Variants in FBXO31 observed in about 807,000 individuals in gnomAD.
The protein encoded by FBXO31 is F-box protein 31.
In FBXO31, 24 loss-of-function variants were observed where a neutral mutation model predicts 54.4. The observed-to-expected ratio is 0.44, with a 90% CI of 0.32 to 0.62. The LOEUF is 0.62. Among genes scored for constraint, FBXO31 ranks in the 20% least tolerant of loss-of-function variants. The probability of loss-of-function intolerance (pLI) is 0.05; values close to 1 mark genes in which losing one functional copy is unlikely to be tolerated. For missense variants in FBXO31, 665 were observed against 787.1 expected, an observed-to-expected ratio of 0.84 and a Z score of 1.86; for synonymous variants, 388 against 335.6, an observed-to-expected ratio of 1.16 and a Z score of -1.71.
upstream of FBXO31, among the ~76,000 whole-genome samples, chr16:87,384,785 AG>A (rs1907267615): frequency 6.6e-6 from 1 of 152,230 alleles, no homozygotes; most frequent in Non-Finnish European, 1.5e-5. Flanking sequence ...GCTTGATCCC[AG>A]GAGGCCGAGG....
chr16:87,362,727 A>G (rs144981112), intron 1 of FBXO31: 6 of 152,238 alleles, frequency 3.9e-5, no homozygotes, highest in African/African-American at 1.4e-4. Flanking sequence ...TGCTGGGCCA[A>G]TTTTTGTATT....
chr16:87,332,037 G>C (rs1205958759), intron 8 of FBXO31, among the ~76,000 whole-genome samples: 3 of 152,238 alleles, frequency 2.0e-5, no homozygotes, highest in Non-Finnish European at 4.4e-5. Flanking sequence ...ACATCAGACA[G>C]GAAGACACTT....
rs1030245745 is a variant in FBXO31, at chr16:87,327,887, G to C, written c.*3401C>G. The C allele has an allele frequency of 6.6e-6, 1 of 152,128 alleles. No individual in the cohort carries two copies. Among genetic ancestry groups the C allele is most frequent in the South Asian group, 2.1e-4 (1 of 4,820 alleles). The allele number at this position is 152,128 out of a possible 1,614,324, so 9.4% of individuals were successfully genotyped here. On this transcript the variant is annotated 3_prime_UTR_variant, in exon 9 of 9. Coordinates refer to ENST00000311635, the MANE Select transcript of FBXO31 (RefSeq NM_024735.5). ...TAAGTGTTCTTAAAAGTTACACCACGAAGGCAGCAACCAGAATAGAAACAT... is the reference window on the plus strand; with the variant it reads ...TAAGTGTTCTTAAAAGTTACACCACCAAGGCAGCAACCAGAATAGAAACAT...
intron 3 of FBXO31, among the ~76,000 whole-genome samples, chr16:87,344,085 T>C (rs1905280820): frequency 6.6e-6 from 1 of 152,198 alleles, no homozygotes; most frequent in African/African-American, 2.4e-5. Flanking sequence ...CGTCCTGAGC[T>C]GAACAAATTG....
chr16:87,360,932 CT>C (rs1013060234), intron 1 of FBXO31, among the ~76,000 whole-genome samples: 1 of 152,204 alleles, frequency 6.6e-6, no homozygotes, highest in Admixed American at 6.5e-5. Flanking sequence ...CCCGCAACCC[CT>C]GTCCTCACAC....
rs1346909759 is a variant in FBXO31, at chr16:87,327,247, C to A, written c.*4041G>T. ...GGCCAAAACCCACACAGCCCTGACC[C>A]CCTCGTGCTCTGGCTGGTCTCCCGG... On this transcript the variant is annotated 3_prime_UTR_variant, in exon 9 of 9. Coordinates refer to ENST00000311635, the MANE Select transcript of FBXO31 (RefSeq NM_024735.5). 1 of 152,746 alleles carries A rather than the reference C, an allele frequency of 6.5e-6. No homozygotes were observed. Among genetic ancestry groups the A allele is most frequent in the Non-Finnish European group, 1.5e-5 (1 of 68,448 alleles). The allele number at this position is 152,746 out of a possible 1,614,324, so 9.5% of individuals were successfully genotyped here. A position where few individuals can be genotyped will look rare whatever the true frequency, so the allele number is the denominator to read the frequency against.
intron 8 of FBXO31, 67 bp downstream of exon 8, chr16:87,333,819 G>C (rs1190702363): frequency 2.0e-6 from 3 of 1,514,404 alleles, no homozygotes. Context: ...GCTAGGTGTG[G>C]GGCTGGGGCC....
rs555853055 is a variant in FBXO31, at chr16:87,338,094, G to A, written c.733-1830C>T. Among the ~76,000 whole-genome samples, 1 of 152,132 alleles carries A rather than the reference G, an allele frequency of 6.6e-6. No individual in the cohort carries two copies. Among genetic ancestry groups the A allele is most frequent in the African/African-American group, 2.4e-5 (1 of 41,432 alleles). ...TTCAACTTGACACCATCAGGAAGATGAGCATGTGTAGCCATGACCTCGCTT... is the reference window on the plus strand; with the variant it reads ...TTCAACTTGACACCATCAGGAAGATAAGCATGTGTAGCCATGACCTCGCTT... On this transcript the variant is annotated intron_variant, in intron 5 of 8. Transcript: ENST00000311635. This position sits in a 1 kb window ranked among gnomAD's most constrained non-coding sequence, Gnocchi z 4.3.
chr16:87,353,064 A>G (rs1479423381), intron 2 of FBXO31, among the ~76,000 whole-genome samples: 1 of 152,148 alleles, frequency 6.6e-6, no homozygotes, highest in African/African-American at 2.4e-5. Context: ...AATTGGATTA[A>G]CATGAGCTCT....
intron 2 of FBXO31, among the ~76,000 whole-genome samples, chr16:87,355,663 C>T (rs1905859803): frequency 6.6e-6 from 1 of 152,176 alleles, no homozygotes; most frequent in South Asian, 2.1e-4. Flanking sequence ...AATCAAAACC[C>T]ACATATGATA....
At chr16:87,355,463 CT>C (rs991678179) in intron 2 of FBXO31, among the ~76,000 whole-genome samples, 1 of 152,188 alleles carries the variant, frequency 6.6e-6, no homozygotes, top group African/African-American at 2.4e-5. Flanking sequence ...AATTGGCTTT[CT>C]TTTTTCACAC....
chr16:87,383,631 G>A lies in FBXO31; in HGVS notation c.114C>T (p.Asp38=). Residue 38 remains aspartate (D), a synonymous_variant, in exon 1 of 9, where the codon GAC becomes GAT. Coordinates refer to ENST00000311635, the MANE Select transcript of FBXO31 (RefSeq NM_024735.5). This position sits in a 1 kb window ranked among gnomAD's most constrained non-coding sequence, Gnocchi z 4.9. Reference sequence around the variant, plus strand: ...TAGCCTCGATGCGCTCCTCCTCGGGGTCTGTGTCCGGCTCGCTGTCGGCCG... The same window carrying A: ...TAGCCTCGATGCGCTCCTCCTCGGGATCTGTGTCCGGCTCGCTGTCGGCCG... ...TAAADSEPDT[D]PEEERIEASA... 8 of 1,421,284 alleles carry A rather than the reference G, an allele frequency of 5.6e-6. No homozygotes were observed. Among genetic ancestry groups the A allele is most frequent in the Non-Finnish European group, 7.3e-6 (8 of 1,092,058 alleles). 88.0% of individuals were successfully genotyped at this position (1,421,284 alleles called of 1,614,324 possible). A position where few individuals can be genotyped will look rare whatever the true frequency, so the allele number is the denominator to read the frequency against.
In FBXO31 at chr16:87,358,486, G is replaced by A. The variant is rs759650960; in HGVS notation, c.412+1809C>T. On this transcript the variant is annotated intron_variant, in intron 2 of 8. Coordinates refer to ENST00000311635, the MANE Select transcript of FBXO31 (RefSeq NM_024735.5). The surrounding 1 kb of genome is among the most constrained non-coding windows in gnomAD (Gnocchi z 4.0). ...TTCACAAAACGTCCCGACTTCACGC[G>A]AGGGTTTATACCTGAACAGACACAG... The A allele has an allele frequency of 4.6e-5, 7 of 152,678 alleles. No individual in the cohort carries two copies. The highest frequency in any genetic ancestry group is 2.0e-4 in the Admixed American group (3 of 15,278). 9.5% of individuals were successfully genotyped at this position (152,678 alleles called of 1,614,324 possible).
intron 5 of FBXO31, among the ~76,000 whole-genome samples, chr16:87,341,975 G>C (rs1244693649): frequency 3.3e-5 from 5 of 152,158 alleles, no homozygotes; most frequent in African/African-American, 1.2e-4. Flanking sequence ...ACTTTGGGAG[G>C]TCAAGGTGGG....
At chr16:87,380,731 C>A (rs1414088792) in intron 1 of FBXO31, among the ~76,000 whole-genome samples, 2 of 152,186 alleles carry the variant, frequency 1.3e-5, no homozygotes. Flanking sequence ...TTCTACATCA[C>A]GGTGTCTGGT....
intron 1 of FBXO31, among the ~76,000 whole-genome samples, chr16:87,378,495 T>C (rs971401379): frequency 4.6e-5 from 7 of 152,230 alleles, no homozygotes; most frequent in African/African-American, 1.7e-4. Context: ...TACTGTGCAA[T>C]ACTGCATCCG....
chr16:87,385,383 G>T (rs535149890), upstream of FBXO31, among the ~76,000 whole-genome samples: 1 of 151,948 alleles, frequency 6.6e-6, no homozygotes. Flanking sequence ...GTGTGAACCC[G>T]GGAGGCAGAG....
intron 1 of FBXO31, among the ~76,000 whole-genome samples, 182 bp from the exon 2 acceptor site, chr16:87,360,548 G>A (rs906133102): frequency 2.0e-5 from 3 of 152,192 alleles, no homozygotes; most frequent in Non-Finnish European, 2.9e-5. Context: ...CTTGTTCACC[G>A]ATGAAGACAT....
intron 1 of FBXO31, among the ~76,000 whole-genome samples, chr16:87,373,538 C>CT (rs34487839): frequency 0.42 from 62,046 of 146,774 alleles, 15,516 homozygotes; most frequent in East Asian, 1. Flanking sequence ...GCCAACTTTT[C>CT]TTTTTTTTTT....
Sources: allele counts gnomAD v4.1 joint callset (sites outside exome capture counted in the v4.1 genomes callset), GRCh38; gene constraint gnomAD v4.1.1; non-coding constraint Gnocchi (gnomAD v3.1); transcripts MANE v1.5; gene names NCBI Gene and HGNC (gene_info 2026-07-23, HGNC 2026-07-21).